MICAL3: variants seen among roughly 807,000 people sequenced by gnomAD.
MICAL3 encodes microtubule associated monooxygenase, calponin and LIM domain containing 3, also known as [F-actin]-monooxygenase MICAL3.
Under a neutral mutation model 207.4 loss-of-function variants are expected in MICAL3, and 62 were observed. That is an observed-to-expected ratio of 0.30 (90% CI 0.24 to 0.37). MICAL3 has a LOEUF of 0.37. Among genes scored for constraint, MICAL3 ranks in the 10% least tolerant of loss-of-function variants. The probability of loss-of-function intolerance (pLI) is 1.00; values close to 1 mark genes in which losing one functional copy is unlikely to be tolerated. For missense variants in MICAL3, 2,368 were observed against 2,635.6 expected (o/e 0.90, Z 2.22); for synonymous variants, 1,077 against 1,069.3 (o/e 1.01, Z -0.14).
At position 17,848,072 on chromosome 22, in the gene MICAL3, G is replaced by A. The variant is rs573157532; in HGVS notation, c.2606-6055C>T. On this transcript the variant is annotated intron_variant, in intron 19 of 31. Transcript: ENST00000441493. Reference sequence around the variant, plus strand: ...CCAAGCCATGAACCCATTCTGAACCGCAACGTCTCAGGGGAGATGTAAGGA... The same window carrying A: ...CCAAGCCATGAACCCATTCTGAACCACAACGTCTCAGGGGAGATGTAAGGA... Among the ~76,000 whole-genome samples, 4 of 152,164 alleles carry A rather than the reference G, an allele frequency of 2.6e-5. No individual in the cohort carries two copies. The South Asian group carries it at 8.3e-4, about 32-fold the overall frequency.
intron 16 of MICAL3, among the ~76,000 whole-genome samples, chr22:17,877,290 G>A (rs1416925333): frequency 3.7e-4 from 48 of 128,988 alleles, no homozygotes; most frequent in Non-Finnish European, 5.2e-4. Flanking sequence ...GGAGGTTATG[G>A]AGGTTAGGGA....
In MICAL3 at chr22:17,787,760, A is replaced by C. The variant is rs1451501537; in HGVS notation, c.*2972T>G. On this transcript the variant is annotated 3_prime_UTR_variant, in exon 32 of 32. Transcript: ENST00000441493. Reference sequence around the variant, plus strand: ...ACTCTCCTTTCTGTCCCACTGAAAAATTTATTTTGAAAGGGTTAAGAAGAG... The same window carrying C: ...ACTCTCCTTTCTGTCCCACTGAAAACTTTATTTTGAAAGGGTTAAGAAGAG... The C allele has an allele frequency of 1.3e-5, 2 of 152,204 alleles. No individual in the cohort carries two copies. Among genetic ancestry groups the C allele is most frequent in the African/African-American group, 4.8e-5 (2 of 41,456 alleles). 9.4% of individuals were successfully genotyped at this position (152,204 alleles called of 1,614,324 possible).
At chr22:18,000,216 A>G (rs960632969) in intron 1 of MICAL3, among the ~76,000 whole-genome samples, 12 of 149,080 alleles carry the variant, frequency 8.0e-5, no homozygotes, top group Non-Finnish European at 1.0e-4. Context: ...CATCCTCTCC[A>G]TGCACATCCC....
intron 28 of MICAL3, among the ~76,000 whole-genome samples, chr22:17,809,526 C>T (rs186451084): frequency 5.0e-4 from 76 of 152,304 alleles, no homozygotes; most frequent in African/African-American, 1.8e-3. Context: ...CCCAGCTACT[C>T]GGGAGGCTGA....
intron 17 of MICAL3, among the ~76,000 whole-genome samples, chr22:17,869,071 C>T (rs1927456344): frequency 6.6e-6 from 1 of 152,154 alleles, no homozygotes. Context: ...CAGGAGAGGA[C>T]ACAGCAGAGC....
chr22:17,864,385 A>C lies in MICAL3; in HGVS notation c.2605+514T>G. On this transcript the variant is annotated intron_variant, in intron 19 of 31. Coordinates refer to ENST00000441493, the MANE Select transcript of MICAL3 (RefSeq NM_015241.3). ...GCTCATCCACACACAGTGACAGGGAACAGGACGCAGAATCTTAAGTGAAGG... is the reference window on the plus strand; with the variant it reads ...GCTCATCCACACACAGTGACAGGGACCAGGACGCAGAATCTTAAGTGAAGG... 14 of 1,313,584 alleles carry C rather than the reference A, an allele frequency of 1.1e-5. No homozygotes were observed. In the East Asian group the frequency reaches 1.6e-4, roughly 15 times the overall value. The allele number at this position is 1,313,584 out of a possible 1,614,324, so 81.4% of individuals were successfully genotyped here.
Position 17,902,712 on chromosome 22 carries a change from C to T in MICAL3, c.508G>A (p.Ala170Thr), listed in dbSNP as rs1440240222. Reference sequence around the variant, plus strand: ...TGGATTTCAATGCCTAGGATCAAGGCTACTTTCAAAAGTATTAGTTGGAGC... The same window carrying T: ...TGGATTTCAATGCCTAGGATCAAGGTTACTTTCAAAAGTATTAGTTGGAGC... ...RQLQLILLKV[A>T]LILGIEIHVN... Residue 170 changes from alanine to threonine, a missense_variant, in exon 4 of 32, where the codon GCC becomes ACC. Ala to Thr is a moderately conservative substitution (Grantham distance 58). Transcript: ENST00000441493. The surrounding 1 kb of genome is among the most constrained non-coding windows in gnomAD (Gnocchi z 4.5). The T allele has an allele frequency of 9.4e-6, 15 of 1,604,124 alleles. No homozygotes were observed. Among genetic ancestry groups the T allele is most frequent in the Non-Finnish European group, 1.3e-5 (15 of 1,174,642 alleles).
At chr22:17,794,153 G>A (rs1446331413) in intron 29 of MICAL3, among the ~76,000 whole-genome samples, 1 of 152,214 alleles carries the variant, frequency 6.6e-6, no homozygotes, top group Admixed American at 6.5e-5. Flanking sequence ...AATGATGGCA[G>A]CACTCGGGCC....
intron 16 of MICAL3, chr22:17,879,244 G>A: frequency 2.1e-6 from 2 of 967,360 alleles, no homozygotes; most frequent in East Asian, 2.7e-5. Context: ...AAAGCAAGGG[G>A]AGGGGGCCGT....
chr22:17,871,077 G>C (rs948932362), intron 17 of MICAL3, among the ~76,000 whole-genome samples: 1 of 152,122 alleles, frequency 6.6e-6, no homozygotes, highest in Non-Finnish European at 1.5e-5. Flanking sequence ...CATTACTCTG[G>C]AATCTATAAG....
At chr22:17,851,347 T>C (rs999932216) in intron 19 of MICAL3, among the ~76,000 whole-genome samples, 13 of 152,264 alleles carry the variant, frequency 8.5e-5, no homozygotes, top group Admixed American at 8.5e-4. Flanking sequence ...CCGGCTCCAC[T>C]TGACACCCTT....
At chr22:17,811,060 C>G (rs1315666702) in intron 27 of MICAL3, 1 of 465,942 alleles carries the variant, frequency 2.1e-6, no homozygotes, top group Non-Finnish European at 3.9e-6. Context: ...CACCTAAGAT[C>G]CACAGAGTGA....
chr22:17,907,084 A>G (rs967595478), intron 1 of MICAL3, among the ~76,000 whole-genome samples, 198 bp from the exon 2 acceptor site: 5 of 152,180 alleles, frequency 3.3e-5, no homozygotes, highest in African/African-American at 1.2e-4. Context: ...GCTCTCAAGG[A>G]TCTGACAGTC....
At chr22:17,878,105 G>A (rs1432428376) in intron 16 of MICAL3, among the ~76,000 whole-genome samples, 3 of 151,572 alleles carry the variant, frequency 2.0e-5, no homozygotes, top group East Asian at 1.9e-4. Flanking sequence ...TGCCTGCCTC[G>A]GCCTCCCAAA....
intron 17 of MICAL3, among the ~76,000 whole-genome samples, chr22:17,867,460 T>G (rs1927267230): frequency 6.6e-6 from 1 of 152,262 alleles, no homozygotes; most frequent in South Asian, 2.1e-4. Context: ...TAAGGTAAGA[T>G]GTATGAGTGC....
chr22:17,919,105 C>G (rs1932725342), intron 1 of MICAL3, among the ~76,000 whole-genome samples: 1 of 132,850 alleles, frequency 7.5e-6, no homozygotes, highest in Non-Finnish European at 1.5e-5. Context: ...CAGGCTCACT[C>G]TGTCACCCAG....
intron 1 of MICAL3, among the ~76,000 whole-genome samples, chr22:17,984,207 C>A (rs1936052392): frequency 6.6e-6 from 1 of 152,082 alleles, no homozygotes; most frequent in Admixed American, 6.5e-5. Flanking sequence ...TTCCCTGGTC[C>A]CTCCCTGCCA....
intron 16 of MICAL3, chr22:17,881,387 G>C: frequency 8.6e-7 from 1 of 1,159,764 alleles, no homozygotes; most frequent in Non-Finnish European, 1.3e-6. Flanking sequence ...ACTGAAGGGT[G>C]TTTGTCAGAA....
At chr22:17,898,976 GT>G (rs1931100707) in intron 7 of MICAL3, among the ~76,000 whole-genome samples, 1 of 152,168 alleles carries the variant, frequency 6.6e-6, no homozygotes, top group African/African-American at 2.4e-5. Context: ...TTGCTTCTTG[GT>G]CAAACTCCTT....
Sources: allele counts gnomAD v4.1 joint callset (sites outside exome capture counted in the v4.1 genomes callset), GRCh38; gene constraint gnomAD v4.1.1; non-coding constraint Gnocchi (gnomAD v3.1); transcripts MANE v1.5; gene names NCBI Gene and HGNC (gene_info 2026-07-23, HGNC 2026-07-21).